WDR48: variants seen among roughly 807,000 people sequenced by gnomAD.
WDR48 encodes WD repeat domain 48.
A neutral mutation model predicts 94.0 loss-of-function variants in WDR48; 22 were observed. That is an observed-to-expected ratio of 0.23 (90% confidence interval 0.17 to 0.33). The LOEUF (loss-of-function observed/expected upper bound fraction) is 0.33, where lower values mean the gene tolerates loss of function less well. Among genes scored for constraint, WDR48 ranks in the 10% least tolerant of loss-of-function variants. WDR48 has a pLI of 1.00. For missense variants in WDR48, 541 were observed against 813.8 expected (o/e 0.66, Z 4.08); for synonymous variants, 278 against 280.5 (o/e 0.99, Z 0.09).
At chr3:39,084,872 G>A (rs1416016077) in intron 13 of WDR48, 131 bp downstream of exon 13, 10 of 645,010 alleles carry the variant, frequency 1.6e-5, no homozygotes, top group Middle Eastern at 2.6e-4. Context: ...AATGTGGTAT[G>A]TACAAATACC....
intron 1 of WDR48, among the ~76,000 whole-genome samples, chr3:39,059,320 G>A (rs1346323103): frequency 1.3e-5 from 2 of 152,202 alleles, no homozygotes; most frequent in Non-Finnish European, 1.5e-5. Flanking sequence ...AGAAGGTACT[G>A]GGATGGGAAA....
intron 9 of WDR48, 157 bp from the exon 10 acceptor site, chr3:39,077,980 A>G (rs1355901379): frequency 3.6e-6 from 2 of 561,276 alleles, no homozygotes; most frequent in Non-Finnish European, 6.4e-6. Flanking sequence ...CTAAACGATG[A>G]TAGATAATTG....
chr3:39,080,915 G>A (rs1175243251), intron 11 of WDR48, among the ~76,000 whole-genome samples: 2 of 152,194 alleles, frequency 1.3e-5, no homozygotes, highest in Non-Finnish European at 2.9e-5. Context: ...GGAAGTAACA[G>A]GGGTGTAAGA....
At chr3:39,052,247 G>A (rs2032457758) in intron 1 of WDR48, 174 bp downstream of exon 1, 2 of 730,720 alleles carry the variant, frequency 2.7e-6, no homozygotes, top group Non-Finnish European at 4.3e-6. Context: ...AGGAAGGGGC[G>A]GGGGTCGGCT....
Position 39,094,631 on chromosome 3 carries a change from T to C in WDR48, c.1939-17T>C. Reference sequence around the variant, plus strand: ...TTAGAGACTTTGAAATTTTTAAATTTAATTTTGGCTATTCAGGTTTTGGAT... The same window carrying C: ...TTAGAGACTTTGAAATTTTTAAATTCAATTTTGGCTATTCAGGTTTTGGAT... On this transcript the variant is annotated splice_polypyrimidine_tract_variant and intron_variant, in intron 18 of 18. Transcript: ENST00000302313. The C allele has an allele frequency of 1.2e-6, 2 of 1,613,962 alleles. No individual in the cohort carries two copies. Among genetic ancestry groups the C allele is most frequent in the South Asian group, 2.2e-5 (2 of 91,060 alleles).
chr3:39,079,587 C>T, intron 10 of WDR48, 124 bp from the exon 11 acceptor site: 1 of 594,260 alleles, frequency 1.7e-6, no homozygotes, highest in Non-Finnish European at 2.8e-6. Context: ...TTAGGTTTGC[C>T]TTTTCCTTTC....
rs1475244440 is a variant in WDR48 at position 39,093,925 on chromosome 3, T to C, written c.1797T>C (p.His599=). The C allele has an allele frequency of 1.2e-6, 2 of 1,613,728 alleles. No individual in the cohort carries two copies. The highest frequency in any genetic ancestry group is 1.7e-6 in the Non-Finnish European group (2 of 1,179,912). The change falls in exon 18 of 19, where the codon CAT becomes CAC. Residue 599 remains histidine (H), a synonymous_variant. Coordinates refer to ENST00000302313, the MANE Select transcript of WDR48 (RefSeq NM_020839.4). ...DMLQVRKVME[H]VYEKIINLDN... is the part of the protein sequence containing the mutation. Reference sequence around the variant, plus strand: ...TCCAAGTCCGAAAAGTTATGGAACATGTTTATGAAAAAATTATCAACTTGG... The same window carrying C: ...TCCAAGTCCGAAAAGTTATGGAACACGTTTATGAAAAAATTATCAACTTGG...
chr3:39,053,985 T>G (rs2032679161), intron 1 of WDR48, among the ~76,000 whole-genome samples: 1 of 152,174 alleles, frequency 6.6e-6, no homozygotes, highest in South Asian at 2.1e-4. Context: ...TGACTTGAAA[T>G]TATTTCCTAT....
At chr3:39,054,880 T>C (rs1161168462) in intron 1 of WDR48, among the ~76,000 whole-genome samples, 3 of 152,342 alleles carry the variant, frequency 2.0e-5, no homozygotes, top group South Asian at 2.1e-4. Flanking sequence ...AAAGGAAATA[T>C]GCATTTTAAA....
intron 17 of WDR48, 58 bp from the exon 18 acceptor site, chr3:39,093,816 G>T: frequency 7.2e-7 from 1 of 1,396,528 alleles, no homozygotes; most frequent in Non-Finnish European, 9.4e-7. Flanking sequence ...AAATAATATG[G>T]AATAAATAAT....
intron 1 of WDR48, among the ~76,000 whole-genome samples, chr3:39,055,549 G>A (rs1450459894): frequency 6.6e-6 from 1 of 152,122 alleles, no homozygotes; most frequent in East Asian, 1.9e-4. Flanking sequence ...CATATTAATT[G>A]TAGACATAAT....
intron 14 of WDR48, among the ~76,000 whole-genome samples, chr3:39,087,434 T>G (rs1487835321): frequency 6.6e-6 from 1 of 152,184 alleles, no homozygotes. Context: ...CTGGGCGATA[T>G]AGCAAGATCC....
intron 16 of WDR48, 141 bp from the exon 17 acceptor site, chr3:39,091,484 G>C: frequency 1.6e-6 from 1 of 613,368 alleles, no homozygotes; most frequent in South Asian, 2.5e-5. Context: ...TAGGTAATTT[G>C]ATAGCTTACT....
At chr3:39,057,935 T>G (rs2033004620) in intron 1 of WDR48, among the ~76,000 whole-genome samples, 1 of 152,182 alleles carries the variant, frequency 6.6e-6, no homozygotes, top group Admixed American at 6.5e-5. Context: ...TATTTTTATA[T>G]ATGTATAGTC....
At chr3:39,056,431 C>T (rs563372667) in intron 1 of WDR48, among the ~76,000 whole-genome samples, 25 of 152,100 alleles carry the variant, frequency 1.6e-4, no homozygotes, top group Admixed American at 9.2e-4. Context: ...GCTTAAGTGC[C>T]GCAAATTTCT....
chr3:39,065,487 C>A (rs1356109139), intron 2 of WDR48, among the ~76,000 whole-genome samples: 2 of 151,996 alleles, frequency 1.3e-5, no homozygotes, highest in African/African-American at 4.8e-5. Context: ...TTCTAGTGAA[C>A]CCTTTTTAAA....
rs199522468 is a variant in WDR48 at position 39,079,756 on chromosome 3, A to G, written c.1121A>G (p.His374Arg). Residue 374 changes from histidine (H) to arginine (R), a missense_variant, in exon 11 of 19, where the codon CAT becomes CGT. By Grantham distance (29) the His-to-Arg change is conservative. Around this residue, in one of 5 missense-constraint regions of WDR48, gnomAD observed 238 missense variants for 285.3 expected, o/e 0.83. Transcript: ENST00000302313. ...TGCCACATTCTTAATGATAAGAGAC[A>G]TATATTAACCAAAGATACCAATAAT... ...IQCHILNDKR[H>R]ILTKDTNNNV... is the part of the protein sequence containing the mutation. 2.6e-6 allele frequency: 4 copies of G among 1,558,432 alleles called. No individual in the cohort carries two copies. The highest frequency in any genetic ancestry group is 2.4e-5 in the East Asian group (1 of 41,056).
At chr3:39,092,536 G>A (rs549923019) in intron 17 of WDR48, among the ~76,000 whole-genome samples, 21 of 152,222 alleles carry the variant, frequency 1.4e-4, no homozygotes, top group Middle Eastern at 3.4e-3. Flanking sequence ...TGGAAAAGCA[G>A]TTAAAGGTTT....
chr3:39,067,206 A>G (rs773774019), intron 5 of WDR48, among the ~76,000 whole-genome samples: 1 of 152,182 alleles, frequency 6.6e-6, no homozygotes, highest in Non-Finnish European at 1.5e-5. Context: ...CCTGGTCCAA[A>G]TCCATACACT....
Sources: allele counts gnomAD v4.1 joint callset (sites outside exome capture counted in the v4.1 genomes callset), GRCh38; gene constraint gnomAD v4.1.1; regional missense constraint gnomAD v4.1.1; transcripts MANE v1.5; gene names NCBI Gene and HGNC (gene_info 2026-07-23, HGNC 2026-07-21).